FIBCD1: variants seen among roughly 807,000 people sequenced by gnomAD.
FIBCD1 encodes the protein fibrinogen C domain-containing protein 1.
FIBCD1 carries 47 observed loss-of-function variants against 45.1 expected under a neutral mutation model. That is an observed-to-expected ratio of 1.04 (90% CI 0.82 to 1.33). FIBCD1 has a LOEUF of 1.33. Ranked by LOEUF, FIBCD1 falls within the 40% of genes most tolerant of loss-of-function variation. FIBCD1 has a pLI of 0.00. For synonymous variants in FIBCD1, 313 were observed against 308.1 expected (o/e 1.02, Z -0.17); for missense variants, 653 against 682.2 (o/e 0.96, Z 0.48).
In FIBCD1 at chr9:130,912,901, C is replaced by T. The variant is rs569054698; in HGVS notation, c.850-1013G>A. ...AACCAAGAGCACCCCCCACACACCC[C>T]AGGCTTGGCCTCCAGAGCCCTGTCC... On this transcript the variant is annotated intron_variant, in intron 4 of 6. Transcript: ENST00000372338. Among the ~76,000 whole-genome samples the T allele has an allele frequency of 4.9e-4, 74 of 152,240 alleles. 1 individual carries two copies. Among genetic ancestry groups the T allele is most frequent in the African/African-American group, 1.7e-3 (71 of 41,536 alleles).
intron 4 of FIBCD1, among the ~76,000 whole-genome samples, chr9:130,921,750 C>T (rs773873536): frequency 1.1e-4 from 16 of 152,244 alleles, no homozygotes; most frequent in Non-Finnish European, 2.2e-4. Context: ...GTTCCGCCCG[C>T]CAAGGGGTTC....
Position 130,911,772 on chromosome 9 carries a change from A to G in FIBCD1, c.946+20T>C, listed in dbSNP as rs1832054041. 6.3e-7 allele frequency: 1 copy of G among 1,583,422 alleles called. No individual in the cohort carries two copies. Among genetic ancestry groups the G allele is most frequent in the Middle Eastern group, 1.7e-4 (1 of 5,932 alleles). On this transcript the variant is annotated intron_variant, in intron 5 of 6. Coordinates refer to ENST00000372338, the MANE Select transcript of FIBCD1 (RefSeq NM_032843.5). ...GGGGGAGGAGGCCCACCTGGGCCGG[A>G]TGGTGGGTGGGGTGCTCACCTAGCC... is the stretch of plus-strand genomic sequence containing the variant.
In FIBCD1 at chr9:130,904,037, G is replaced by GC. The variant is rs1564331421; in HGVS notation, c.*26dup. 2.5e-6 allele frequency: 4 copies of GC among 1,609,314 alleles called. No homozygotes were observed. In the South Asian group the frequency reaches 4.4e-5, roughly 18 times the overall value. On this transcript the variant is annotated 3_prime_UTR_variant, in exon 7 of 7. Coordinates refer to ENST00000372338, the MANE Select transcript of FIBCD1 (RefSeq NM_032843.5). ...GTCGGGGATGGGGCGACAGGGACCA[G>GC]CAGGGCCAAGGACAAGGTGCACCAG... is the stretch of plus-strand genomic sequence containing the variant.
rs551974589 is a variant in FIBCD1, at chr9:130,918,574, G to A, written c.849+5170C>T. 9.2e-5 allele frequency among the ~76,000 whole-genome samples: 14 copies of A among 152,368 alleles called. No individual in the cohort carries two copies. The South Asian group carries it at 2.9e-3, about 32-fold the overall frequency. ...CTTTCTGATCAGGTGATTCTGGGAG[G>A]GGGGCAGAGGGGTCCTGGCAGAGGA... On this transcript the variant is annotated intron_variant, in intron 4 of 6. Transcript: ENST00000372338.
At chr9:130,931,716 C>G (rs1307446831) in intron 1 of FIBCD1, among the ~76,000 whole-genome samples, 1 of 152,158 alleles carries the variant, frequency 6.6e-6, no homozygotes, top group Non-Finnish European at 1.5e-5. Flanking sequence ...AAAACTGAGG[C>G]CCAGAGAGGG....
chr9:130,917,047 A>C (rs533227693), intron 4 of FIBCD1, among the ~76,000 whole-genome samples: 314 of 152,302 alleles, frequency 2.1e-3, no homozygotes, highest in African/African-American at 7.3e-3. Flanking sequence ...GCAGCGAGCC[A>C]AGATCACACC....
rs112938700 is a variant in FIBCD1 at position 130,929,481 on chromosome 9, A to G, written c.552+86T>C. The G allele has an allele frequency of 1.1e-4, 163 of 1,450,398 alleles. No homozygotes were observed. In the African/African-American group the frequency reaches 1.5e-3, roughly 14 times the overall value. 89.8% of individuals were successfully genotyped at this position (1,450,398 alleles called of 1,614,324 possible). On this transcript the variant is annotated intron_variant, in intron 2 of 6. Transcript: ENST00000372338. Reference sequence around the variant, plus strand: ...GGGGCCTTGGGGATTAAGTGAGGCCATGGACATCAGGCGCCTGGCACATGG... The same window carrying G: ...GGGGCCTTGGGGATTAAGTGAGGCCGTGGACATCAGGCGCCTGGCACATGG...
rs528358569 is a variant in FIBCD1 at position 130,903,696 on chromosome 9, A to G, written c.*368T>C. 2.6e-6 allele frequency: 1 copy of G among 391,762 alleles called. No homozygotes were observed. The allele number at this position is 391,762 out of a possible 1,614,324, so 24.3% of individuals were successfully genotyped here. A position where few individuals can be genotyped will look rare whatever the true frequency, so the allele number is the denominator to read the frequency against. ...TCTGCCCCCTGCTCTCTGTCCCCAT[A>G]ATGCCGGGTATTTGGCCGGGCAGGG... On this transcript the variant is annotated 3_prime_UTR_variant, in exon 7 of 7. Coordinates refer to ENST00000372338, the MANE Select transcript of FIBCD1 (RefSeq NM_032843.5).
intron 1 of FIBCD1, among the ~76,000 whole-genome samples, chr9:130,933,131 G>A (rs902851313): frequency 5.3e-5 from 8 of 152,234 alleles, no homozygotes; most frequent in African/African-American, 1.9e-4. Flanking sequence ...TAGAGGCAGG[G>A]GGACAGCGGA....
intron 2 of FIBCD1, among the ~76,000 whole-genome samples, chr9:130,927,287 G>T (rs967021828): frequency 6.6e-6 from 1 of 151,782 alleles, no homozygotes; most frequent in African/African-American, 2.4e-5. Flanking sequence ...ATAGTGGCAT[G>T]GTGGCTCCCT....
rs541717312 is a variant in FIBCD1, at chr9:130,924,105, C to T, written c.712+132G>A. 4.5e-6 allele frequency: 6 copies of T among 1,322,408 alleles called. No homozygotes were observed. The South Asian group carries it at 8.9e-5, about 20-fold the overall frequency. The allele number at this position is 1,322,408 out of a possible 1,614,324, so 81.9% of individuals were successfully genotyped here. ...TCATCTGGAGAATGGACCGAGAGGG[C>T]TTCAGCGCAGGCCACATGGAAGTAG... On this transcript the variant is annotated intron_variant, in intron 3 of 6. Transcript: ENST00000372338.
At chr9:130,918,472 G>A (rs907615377) in intron 4 of FIBCD1, among the ~76,000 whole-genome samples, 1 of 152,236 alleles carries the variant, frequency 6.6e-6, no homozygotes, top group Non-Finnish European at 1.5e-5. Flanking sequence ...CCTAGACTGT[G>A]ATGAAACTGC....
chr9:130,921,407 G>T (rs1832259128), intron 4 of FIBCD1, among the ~76,000 whole-genome samples: 1 of 152,252 alleles, frequency 6.6e-6, no homozygotes, highest in Non-Finnish European at 1.5e-5. Context: ...GGAAAAGATT[G>T]CTTCTGATGG....
rs1832321625 is a variant in FIBCD1, at chr9:130,924,348, T to G, written c.601A>C (p.Ser201Arg). ...CTCTGCAGGGCATCCAGGATGTCGC[T>G]GACGGAGTTCACCAGGTGAGCCATG... ...GHMAHLVNSV[S>R]DILDALQRDR... Residue 201 changes from serine to arginine, a missense_variant, in exon 3 of 7, where the codon AGC (serine) becomes CGC (arginine). Ser to Arg is a moderately radical substitution (Grantham distance 110). Coordinates refer to ENST00000372338, the MANE Select transcript of FIBCD1 (RefSeq NM_032843.5). The G allele has an allele frequency of 6.2e-7, 1 of 1,609,168 alleles. No homozygotes were observed. The highest frequency in any genetic ancestry group is 1.3e-5 in the African/African-American group (1 of 74,898).
At position 130,926,996 on chromosome 9, in the gene FIBCD1, G is replaced by C. The variant is rs912936102; in HGVS notation, c.552+2571C>G. ...CCCAACACAGTAATCTTAGCACGTG[G>C]GGAGGCCGAGGTGGGTGGATTGCTT... On this transcript the variant is annotated intron_variant, in intron 2 of 6. Coordinates refer to ENST00000372338, the MANE Select transcript of FIBCD1 (RefSeq NM_032843.5). This position sits in a 1 kb window ranked among gnomAD's most constrained non-coding sequence, Gnocchi z 4.1. Among the ~76,000 whole-genome samples, 5 of 152,046 alleles carry C rather than the reference G, an allele frequency of 3.3e-5. No homozygotes were observed. Among genetic ancestry groups the C allele is most frequent in the African/African-American group, 1.2e-4 (5 of 41,378 alleles).
Position 130,923,867 on chromosome 9 carries a change from TCGGGG to T in FIBCD1, c.721_725del (p.Pro241ArgfsTer32), listed in dbSNP as rs751097316. ...CGCTTAGGAGGACGTCCAGACAGTC[TCGGGG>T]CCGGGAGCCTGAGGGAGGCAAGGCT... On this transcript the variant is annotated frameshift_variant, in exon 4 of 7. Coordinates refer to ENST00000372338, the MANE Select transcript of FIBCD1 (RefSeq NM_032843.5). LOFTEE classifies it high-confidence loss of function. 9 of 1,612,498 alleles carry T rather than the reference TCGGGG, an allele frequency of 5.6e-6. No individual in the cohort carries two copies. In the Admixed American group the frequency reaches 1.5e-4, roughly 27 times the overall value.
At position 130,924,286 on chromosome 9, in the gene FIBCD1, G is replaced by T; in HGVS notation, c.663C>A (p.Asp221Glu). ...TTCCCCGGGCAGGCGCTCTCTGAAG[G>T]TCGGCCTTGTTGCGGGGCCGGCCCA... is the stretch of plus-strand genomic sequence containing the variant. ...RGLGRPRNKA[D>E]LQRAPARGTR... Residue 221 changes from aspartate (D) to glutamate (E), a missense_variant, in exon 3 of 7, where the codon GAC (aspartate) becomes GAA (glutamate). By Grantham distance (45) the Asp-to-Glu change is conservative (BLOSUM62 2). Coordinates refer to ENST00000372338, the MANE Select transcript of FIBCD1 (RefSeq NM_032843.5). The T allele has an allele frequency of 6.2e-7, 1 of 1,603,476 alleles. No homozygotes were observed. The highest frequency in any genetic ancestry group is 8.5e-7 in the Non-Finnish European group (1 of 1,176,620).
chr9:130,927,730 G>A (rs930233921), intron 2 of FIBCD1, among the ~76,000 whole-genome samples: 10 of 152,194 alleles, frequency 6.6e-5, no homozygotes, highest in Admixed American at 2.6e-4. Context: ...GTGCAGTGGC[G>A]TGATCTCGGC....
rs1831860157 is a variant in FIBCD1, at chr9:130,902,873, A to G, written c.*1191T>C. The G allele has an allele frequency of 6.6e-6, 1 of 152,410 alleles. No individual in the cohort carries two copies. Among genetic ancestry groups the G allele is most frequent in the South Asian group, 2.1e-4 (1 of 4,832 alleles). The allele number at this position is 152,410 out of a possible 1,614,324, so 9.4% of individuals were successfully genotyped here. A position where few individuals can be genotyped will look rare whatever the true frequency, so the allele number is the denominator to read the frequency against. On this transcript the variant is annotated 3_prime_UTR_variant, in exon 7 of 7. Transcript: ENST00000372338. ...TGTGCACACAAGGAGTGGGGATGACAGCGTGCTGGGTGTTGGGAGGATTCA... is the reference window on the plus strand; with the variant it reads ...TGTGCACACAAGGAGTGGGGATGACGGCGTGCTGGGTGTTGGGAGGATTCA...
Sources: allele counts gnomAD v4.1 joint callset (sites outside exome capture counted in the v4.1 genomes callset), GRCh38; gene constraint gnomAD v4.1.1; non-coding constraint Gnocchi (gnomAD v3.1); transcripts MANE v1.5; gene names NCBI Gene and HGNC (gene_info 2026-07-23, HGNC 2026-07-21).